Variants in CCDC60 observed in about 807,000 individuals in gnomAD.
CCDC60 encodes the protein coiled-coil domain-containing protein 60.
In CCDC60, 54 loss-of-function variants were observed where a neutral mutation model predicts 63.5. That is an observed-to-expected ratio of 0.85 (90% confidence interval 0.68 to 1.07). CCDC60 has a LOEUF of 1.07. Ranked by LOEUF, CCDC60 falls within the 50% of genes least tolerant of loss-of-function variation. The probability of loss-of-function intolerance (pLI) is 0.00; values close to 1 mark genes in which losing one functional copy is unlikely to be tolerated. For synonymous variants in CCDC60, 206 were observed against 238.8 expected, an observed-to-expected ratio of 0.86 and a Z score of 1.27; for missense variants, 651 against 684.3, an observed-to-expected ratio of 0.95 and a Z score of 0.54.
intron 1 of CCDC60, among the ~76,000 whole-genome samples, chr12:119,413,450 G>T (rs2136201941): frequency 6.6e-6 from 1 of 152,260 alleles, no homozygotes; most frequent in East Asian, 1.9e-4. Flanking sequence ...ATCGCGGGGG[G>T]AACATTTTCG....
chr12:119,395,454 A>C (rs992397707), intron 1 of CCDC60, among the ~76,000 whole-genome samples: 1 of 152,294 alleles, frequency 6.6e-6, no homozygotes, highest in African/African-American at 2.4e-5. Flanking sequence ...TGGGGAAGAG[A>C]GAGAAAGAGT....
At chr12:119,354,064 TTCTC>T (rs757579121) in intron 1 of CCDC60, among the ~76,000 whole-genome samples, 16 of 85,050 alleles carry the variant, frequency 1.9e-4, no homozygotes, top group Admixed American at 9.9e-4. Flanking sequence ...CTCTCTCTCT[TTCTC>T]TCTCTCTCTC....
intron 1 of CCDC60, among the ~76,000 whole-genome samples, chr12:119,359,369 G>A (rs1955749439): frequency 6.6e-6 from 1 of 151,926 alleles, no homozygotes; most frequent in Admixed American, 6.6e-5. Context: ...GTACATTCTT[G>A]GAACATGGTT....
At chr12:119,433,154 C>T (rs980551434) in intron 2 of CCDC60, among the ~76,000 whole-genome samples, 8 of 41,226 alleles carry the variant, frequency 1.9e-4, no homozygotes, top group African/African-American at 2.6e-4. Context: ...TCAGTTCCCC[C>T]GACAGAGAGT....
At chr12:119,421,659 G>A (rs530283647) in intron 1 of CCDC60, among the ~76,000 whole-genome samples, 2 of 152,266 alleles carry the variant, frequency 1.3e-5, no homozygotes, top group African/African-American at 4.8e-5. Flanking sequence ...ATGGGGATTG[G>A]CATTAGTTCT....
intron 1 of CCDC60, among the ~76,000 whole-genome samples, chr12:119,351,181 T>C (rs1269445930): frequency 6.6e-6 from 1 of 152,180 alleles, no homozygotes; most frequent in Non-Finnish European, 1.5e-5. Flanking sequence ...ACAGAAGCTG[T>C]TGATGAAATT....
At chr12:119,458,647 C>T (rs1483256700) in intron 2 of CCDC60, among the ~76,000 whole-genome samples, 2 of 152,176 alleles carry the variant, frequency 1.3e-5, no homozygotes, top group Non-Finnish European at 2.9e-5. Context: ...CTTTAGGGCC[C>T]TTGGGAGGGA....
At chr12:119,514,523 A>G (rs1006313846) in intron 7 of CCDC60, among the ~76,000 whole-genome samples, 1 of 152,140 alleles carries the variant, frequency 6.6e-6, no homozygotes, top group East Asian at 1.9e-4. Flanking sequence ...AAAGTAAAAA[A>G]TTTTAAAAAA....
At chr12:119,399,636 AG>A (rs796889482) in intron 1 of CCDC60, among the ~76,000 whole-genome samples, 97 of 152,266 alleles carry the variant, frequency 6.4e-4, no homozygotes, top group African/African-American at 2.2e-3. Context: ...AAGCCTCAAG[AG>A]GGGCTACGTT....
intron 13 of CCDC60, among the ~76,000 whole-genome samples, chr12:119,531,692 A>G (rs1952847190): frequency 6.6e-6 from 1 of 152,314 alleles, no homozygotes; most frequent in East Asian, 1.9e-4. Context: ...TGAGTATGGA[A>G]GGAAGCAGGC....
chr12:119,518,580 A>G (rs1952415228), intron 8 of CCDC60, among the ~76,000 whole-genome samples: 2 of 152,190 alleles, frequency 1.3e-5, no homozygotes, highest in South Asian at 4.1e-4. Flanking sequence ...TATCCCTGTA[A>G]AATATTACTA....
At chr12:119,481,095 C>T (rs1717826760) in intron 4 of CCDC60, among the ~76,000 whole-genome samples, 1 of 152,102 alleles carries the variant, frequency 6.6e-6, no homozygotes. Context: ...CCATCATCAT[C>T]ATCACATTGT....
Position 119,456,055 on chromosome 12 carries a change from GAA to G in CCDC60, c.171-15937_171-15936del, listed in dbSNP as rs1301025818. ...AGAAAGAAAGAAAGAAAGAAAGAAA[GAA>G]AGAAAGCAAGCAAGCATGTGCAATT... On this transcript the variant is annotated intron_variant, in intron 2 of 13. Coordinates refer to ENST00000327554, the MANE Select transcript of CCDC60 (RefSeq NM_178499.5). The surrounding 1 kb of genome is among the most constrained non-coding windows in gnomAD (Gnocchi z 4.6). 7.2e-6 allele frequency among the ~76,000 whole-genome samples: 1 copy of G among 139,016 alleles called. No homozygotes were observed. The highest frequency in any genetic ancestry group is 1.5e-5 in the Non-Finnish European group (1 of 64,962). 91.2% of individuals were successfully genotyped at this position (139,016 alleles called of 152,430 possible). A position where few individuals can be genotyped will look rare whatever the true frequency, so the allele number is the denominator to read the frequency against.
chr12:119,341,665 T>C (rs1056752471), intron 1 of CCDC60, among the ~76,000 whole-genome samples: 1 of 152,208 alleles, frequency 6.6e-6, no homozygotes, highest in African/African-American at 2.4e-5. Context: ...ACATGAGTGC[T>C]ACCATGACTG....
chr12:119,392,893 A>T (rs978082317), intron 1 of CCDC60, among the ~76,000 whole-genome samples: 1 of 152,126 alleles, frequency 6.6e-6, no homozygotes, highest in Non-Finnish European at 1.5e-5. Context: ...AGTGGCTTAC[A>T]CCTGTAATCC....
intron 1 of CCDC60, among the ~76,000 whole-genome samples, chr12:119,363,375 CTAT>C (rs1400620970): frequency 6.6e-6 from 1 of 151,970 alleles, no homozygotes; most frequent in Non-Finnish European, 1.5e-5. Flanking sequence ...ATTTTGTCCT[CTAT>C]TATTGACTTG....
intron 2 of CCDC60, among the ~76,000 whole-genome samples, chr12:119,447,338 G>C (rs1317926867): frequency 6.6e-6 from 1 of 152,158 alleles, no homozygotes; most frequent in Non-Finnish European, 1.5e-5. Context: ...CTGATGCTTA[G>C]TGAAGGAGCC....
intron 1 of CCDC60, among the ~76,000 whole-genome samples, chr12:119,394,330 G>A (rs913091896): frequency 5.9e-5 from 9 of 152,082 alleles, no homozygotes; most frequent in East Asian, 1.9e-4. Context: ...TCTCCCCAAC[G>A]TCTCTCCTTT....
At chr12:119,507,173 G>T (rs1198444665) in intron 7 of CCDC60, among the ~76,000 whole-genome samples, 1 of 151,956 alleles carries the variant, frequency 6.6e-6, no homozygotes, top group Non-Finnish European at 1.5e-5. Context: ...GGAGGTCAAG[G>T]CAGACCAAGA....
Sources: allele counts gnomAD v4.1 joint callset (sites outside exome capture counted in the v4.1 genomes callset), GRCh38; gene constraint gnomAD v4.1.1; non-coding constraint Gnocchi (gnomAD v3.1); transcripts MANE v1.5; gene names NCBI Gene and HGNC (gene_info 2026-07-23, HGNC 2026-07-21).